Variants in ZBTB16 observed in about 807,000 individuals in gnomAD.
ZBTB16 encodes the protein zinc finger and BTB domain-containing protein 16.
ZBTB16 carries 8 observed loss-of-function variants against 56.8 expected under a neutral mutation model. The ratio of observed to expected loss-of-function variants is 0.14; its 90% CI spans 0.08 to 0.25. The LOEUF (loss-of-function observed/expected upper bound fraction) is 0.25. Ranked by LOEUF, ZBTB16 falls within the 10% of genes least tolerant of loss-of-function variation. The pLI is 1.00. For synonymous variants in ZBTB16, 363 were observed against 368.5 expected (o/e 0.98, Z 0.17); for missense variants, 625 against 903.0 (o/e 0.69, Z 3.95).
chr11:114,235,468 A>G (rs1020431246), intron 4 of ZBTB16, among the ~76,000 whole-genome samples: 1 of 152,198 alleles, frequency 6.6e-6, no homozygotes. Flanking sequence ...TTGGTATGGA[A>G]ATGGCACAGG....
intron 2 of ZBTB16, among the ~76,000 whole-genome samples, chr11:114,075,374 G>A (rs1246005048): frequency 1.3e-5 from 2 of 152,124 alleles, no homozygotes; most frequent in Admixed American, 6.5e-5. Context: ...ATGGCCCAGC[G>A]TCCGGCCAGT....
In ZBTB16 at chr11:114,065,119, C is replaced by A. The variant is rs370804451; in HGVS notation, c.1268+551C>A. On this transcript the variant is annotated intron_variant, in intron 2 of 6. Transcript: ENST00000335953. ...CCTGGTGAAAGTTAATCTCCTTGCT[C>A]TGTCTCCCTTCTCATTCTCTGATCC... Among the ~76,000 whole-genome samples, 5 of 152,318 alleles carry A rather than the reference C, an allele frequency of 3.3e-5. No homozygotes were observed. The South Asian group carries it at 6.2e-4, about 19-fold the overall frequency.
At chr11:114,246,973 C>T in intron 5 of ZBTB16, 3 of 609,792 alleles carry the variant, frequency 4.9e-6, no homozygotes, top group East Asian at 3.0e-5. Context: ...CCAGGACTGG[C>T]CCTTGCCCCA....
In ZBTB16 at chr11:114,252,771, T is replaced by C. The variant is rs1355010613; in HGVS notation, c.*2216T>C. Among the ~76,000 whole-genome samples the C allele has an allele frequency of 6.6e-6, 1 of 152,116 alleles. No individual in the cohort carries two copies. The highest frequency in any genetic ancestry group is 1.5e-5 in the Non-Finnish European group (1 of 68,016). On this transcript the variant is annotated 3_prime_UTR_variant, in exon 7 of 7. Transcript: ENST00000335953. ...GGGAAGCCGGAGGGATGGGTGCTGCTGCGACGACCCCCCCGTCCCTCGGCC... is the reference window on the plus strand; with the variant it reads ...GGGAAGCCGGAGGGATGGGTGCTGCCGCGACGACCCCCCCGTCCCTCGGCC...
intron 2 of ZBTB16, among the ~76,000 whole-genome samples, chr11:114,138,361 G>A (rs556978376): frequency 1.3e-4 from 20 of 152,238 alleles, no homozygotes; most frequent in East Asian, 5.8e-4. Context: ...TCAACTTCAC[G>A]GAGAGAAGAG....
At chr11:114,233,032 T>TTCCCCCCC (rs1555159413) in intron 4 of ZBTB16, among the ~76,000 whole-genome samples, 5 of 122,946 alleles carry the variant, frequency 4.1e-5, no homozygotes, top group Admixed American at 1.7e-4. Context: ...CCCCAACTCA[T>TTCCCCCCC]CCCCGGCCCC....
chr11:114,255,643 G>T lies in ZBTB16; in HGVS notation c.*5088G>T, dbSNP rs527308758. 6.6e-6 allele frequency among the ~76,000 whole-genome samples: 1 copy of T among 150,452 alleles called. No homozygotes were observed. Among genetic ancestry groups the T allele is most frequent in the Non-Finnish European group, 1.5e-5 (1 of 67,866 alleles). On this transcript the variant is annotated 3_prime_UTR_variant, in exon 7 of 7. Transcript: ENST00000335953. ...CACTCGAAGTTGTGCAGTCCTGGTT[G>T]CAGCTTTCCGCATCTGCCTTCGTTT...
At chr11:114,111,527 A>G (rs1026655901) in intron 2 of ZBTB16, among the ~76,000 whole-genome samples, 1 of 152,182 alleles carries the variant, frequency 6.6e-6, no homozygotes, top group Non-Finnish European at 1.5e-5. Flanking sequence ...AATGACGCTA[A>G]ATAATGTTAA....
At chr11:114,122,642 C>T (rs969269930) in intron 2 of ZBTB16, among the ~76,000 whole-genome samples, 9 of 152,182 alleles carry the variant, frequency 5.9e-5, no homozygotes, top group African/African-American at 2.2e-4. Flanking sequence ...TTCTCTCTCT[C>T]TTTCTCATGC....
rs1459554253 is a variant in ZBTB16 at position 114,255,182 on chromosome 11, T to C, written c.*4627T>C. 1.3e-5 allele frequency among the ~76,000 whole-genome samples: 2 copies of C among 152,182 alleles called. No homozygotes were observed. Among genetic ancestry groups the C allele is most frequent in the African/African-American group, 4.8e-5 (2 of 41,448 alleles). ...CTGCTGGACCAAGCAAAACTAAGCC[T>C]TTTGGTTTGGGTATTATGTTTCGTT... is the stretch of plus-strand genomic sequence containing the variant. On this transcript the variant is annotated 3_prime_UTR_variant, in exon 7 of 7. Coordinates refer to ENST00000335953, the MANE Select transcript of ZBTB16 (RefSeq NM_006006.6).
chr11:114,130,793 T>C (rs1279322244), intron 2 of ZBTB16, among the ~76,000 whole-genome samples: 1 of 152,228 alleles, frequency 6.6e-6, no homozygotes, highest in Non-Finnish European at 1.5e-5. Flanking sequence ...CTTAAGGTGA[T>C]ACTGTGCATG....
rs538330449 is a variant in ZBTB16, at chr11:114,083,806, C to T, written c.1268+19238C>T. 3.3e-5 allele frequency among the ~76,000 whole-genome samples: 5 copies of T among 152,260 alleles called. No homozygotes were observed. In the South Asian group the frequency reaches 6.2e-4, roughly 19 times the overall value. ...TCTTGATGCCGCCCCCCCGCCCCAC[C>T]GCCAAGAATTCTGCTCTGTGGGTGA... On this transcript the variant is annotated intron_variant, in intron 2 of 6. Coordinates refer to ENST00000335953, the MANE Select transcript of ZBTB16 (RefSeq NM_006006.6).
At chr11:114,167,245 T>TTC (rs1426948125) in intron 3 of ZBTB16, among the ~76,000 whole-genome samples, 1 of 137,382 alleles carries the variant, frequency 7.3e-6, no homozygotes, top group Non-Finnish European at 1.6e-5. Context: ...TTTTTTTTTT[T>TTC]TTTTTTTTGA....
intron 4 of ZBTB16, among the ~76,000 whole-genome samples, chr11:114,190,822 G>C (rs532051475): frequency 6.6e-6 from 1 of 151,990 alleles, no homozygotes; most frequent in East Asian, 1.9e-4. Context: ...GTATTAAGCC[G>C]TTCTTGCATT....
intron 2 of ZBTB16, among the ~76,000 whole-genome samples, chr11:114,076,777 A>G (rs980313644): frequency 3.9e-5 from 6 of 152,136 alleles, no homozygotes; most frequent in African/African-American, 1.4e-4. Context: ...ATGCAGACCT[A>G]TATAGGGCCC....
intron 2 of ZBTB16, among the ~76,000 whole-genome samples, chr11:114,141,137 C>T (rs1941934113): frequency 6.6e-6 from 1 of 152,202 alleles, no homozygotes; most frequent in African/African-American, 2.4e-5. Flanking sequence ...GAAGGCTTGC[C>T]CGGCGGGGTA....
intron 2 of ZBTB16, among the ~76,000 whole-genome samples, chr11:114,098,534 CTTAAA>C (rs1190892205): frequency 1.1e-5 from 1 of 94,018 alleles, no homozygotes; most frequent in African/African-American, 2.8e-5. Flanking sequence ...AAAAGTCTGA[CTTAAA>C]TTAAAAAAAA....
At chr11:114,213,968 GC>G (rs1431298450) in intron 4 of ZBTB16, among the ~76,000 whole-genome samples, 5 of 152,110 alleles carry the variant, frequency 3.3e-5, no homozygotes, top group Non-Finnish European at 7.3e-5. Flanking sequence ...CCTGATGCTG[GC>G]GCTCATGTTT....
At position 114,206,211 on chromosome 11, in the gene ZBTB16, G is replaced by A. The variant is rs768841583; in HGVS notation, c.1453+19173G>A. ...CCCAGTGTTGGGGTGTTTTCACATCGGGAGACACTAATTAGGGGTCCTAGA... is the reference window on the plus strand; with the variant it reads ...CCCAGTGTTGGGGTGTTTTCACATCAGGAGACACTAATTAGGGGTCCTAGA... On this transcript the variant is annotated intron_variant, in intron 4 of 6. Coordinates refer to ENST00000335953, the MANE Select transcript of ZBTB16 (RefSeq NM_006006.6). Among the ~76,000 whole-genome samples, 3 of 152,080 alleles carry A rather than the reference G, an allele frequency of 2.0e-5. No individual in the cohort carries two copies. In the East Asian group the frequency reaches 5.8e-4, roughly 29 times the overall value.
Sources: gnomAD v4.1 joint callset for allele counts (sites outside exome capture counted in the v4.1 genomes callset) on GRCh38, gnomAD v4.1.1 for gene constraint, MANE v1.5 for transcripts, NCBI Gene and HGNC (gene_info 2026-07-23, HGNC 2026-07-21) for gene names.